DKK2: variants seen among roughly 807,000 people sequenced by gnomAD.
DKK2 encodes dickkopf-related protein 2.
A neutral mutation model predicts 28.1 loss-of-function variants in DKK2; 11 were observed. The observed-to-expected ratio is 0.39, with a 90% CI of 0.25 to 0.65. The LOEUF is 0.65. DKK2 is among the 30% of genes least tolerant of loss of function. The pLI is 0.47. For missense variants in DKK2, 326 were observed against 335.5 expected (o/e 0.97, Z 0.22); for synonymous variants, 135 against 126.5 (o/e 1.07, Z -0.45).
chr4:106,955,809 T>C (rs916870066), intron 1 of DKK2, among the ~76,000 whole-genome samples: 1 of 152,174 alleles, frequency 6.6e-6, no homozygotes, highest in East Asian at 1.9e-4. Context: ...ATTTAAGTTA[T>C]GACATAGTCC....
At chr4:106,939,775 A>C (rs1396209063) in intron 1 of DKK2, among the ~76,000 whole-genome samples, 1 of 152,230 alleles carries the variant, frequency 6.6e-6, no homozygotes, top group Non-Finnish European at 1.5e-5. Context: ...AGATCAATGG[A>C]ACAGAACAGA....
intron 1 of DKK2, among the ~76,000 whole-genome samples, chr4:106,991,366 C>T (rs773284451): frequency 4.2e-4 from 64 of 152,240 alleles, no homozygotes; most frequent in Middle Eastern, 6.8e-3. Context: ...TCATGCTTCA[C>T]TTCATGTTCT....
At chr4:106,973,314 T>A (rs1437305183) in intron 1 of DKK2, among the ~76,000 whole-genome samples, 1 of 152,242 alleles carries the variant, frequency 6.6e-6, no homozygotes, top group African/African-American at 2.4e-5. Context: ...ATCACCACAC[T>A]GTCTTCCACA....
At position 106,965,785 on chromosome 4, in the gene DKK2, C is replaced by T. The variant is rs530622124; in HGVS notation, c.223-39836G>A. ...AACAGTCCCCAGAGTGTAATATTCCCCTTCCTGTGTCCATGTGATCTCATT... is the reference window on the plus strand; with the variant it reads ...AACAGTCCCCAGAGTGTAATATTCCTCTTCCTGTGTCCATGTGATCTCATT... On this transcript the variant is annotated intron_variant, in intron 1 of 3. Transcript: ENST00000285311. Among the ~76,000 whole-genome samples the T allele has an allele frequency of 1.4e-3, 192 of 139,896 alleles. 1 individual carries two copies. The highest frequency in any genetic ancestry group is 0.011 in the South Asian group (44 of 4,180). 91.8% of individuals were successfully genotyped at this position (139,896 alleles called of 152,430 possible).
intron 1 of DKK2, among the ~76,000 whole-genome samples, chr4:107,024,252 T>C (rs1047610914): frequency 2.6e-5 from 4 of 152,116 alleles, no homozygotes; most frequent in East Asian, 1.9e-4. Context: ...AATATGTAAA[T>C]AGTAGCACAT....
intron 1 of DKK2, among the ~76,000 whole-genome samples, chr4:106,977,790 T>C (rs949507565): frequency 6.6e-6 from 1 of 152,174 alleles, no homozygotes; most frequent in Non-Finnish European, 1.5e-5. Context: ...TTGGGAGGAA[T>C]TGTGATCCTT....
intron 1 of DKK2, among the ~76,000 whole-genome samples, chr4:107,001,256 T>C (rs1723355808): frequency 6.6e-6 from 1 of 152,122 alleles, no homozygotes; most frequent in Non-Finnish European, 1.5e-5. Context: ...GGAAGGACCC[T>C]TCCCCAGAGC....
chr4:106,973,457 T>C lies in DKK2; in HGVS notation c.223-47508A>G, dbSNP rs368151927. Among the ~76,000 whole-genome samples the C allele has an allele frequency of 1.2e-4, 19 of 152,362 alleles. No homozygotes were observed. The South Asian group carries it at 3.3e-3, about 27-fold the overall frequency. ...ACTGGAGTGAGACAGTATCTAATTT[T>C]GGCTTTGATTTGCATTTCTCTAATG... On this transcript the variant is annotated intron_variant, in intron 1 of 3. Transcript: ENST00000285311.
chr4:107,035,827 A>C lies in DKK2; in HGVS notation c.-236T>G. 1 of 571,378 alleles carries C rather than the reference A, an allele frequency of 1.8e-6. No homozygotes were observed. Among genetic ancestry groups the C allele is most frequent in the Non-Finnish European group, 3.1e-6 (1 of 320,492 alleles). 35.4% of individuals were successfully genotyped at this position (571,378 alleles called of 1,614,324 possible). A position where few individuals can be genotyped will look rare whatever the true frequency, so the allele number is the denominator to read the frequency against. The stretch of plus-strand genomic sequence containing the variant: ...TCTCCACCAGGACAGGAAGTTCTGC[A>C]ATAACTGGAAGCAATCAAATGCGAG... On this transcript the variant is annotated 5_prime_UTR_variant, in exon 1 of 4. In the 5' UTR this introduces an upstream ATG that the reference lacks. Coordinates refer to ENST00000285311, the MANE Select transcript of DKK2 (RefSeq NM_014421.3).
Position 107,035,560 on chromosome 4 carries a change from G to A in DKK2, c.32C>T (p.Ser11Phe). The A allele has an allele frequency of 6.2e-7, 1 of 1,614,172 alleles. No homozygotes were observed. The highest frequency in any genetic ancestry group is 1.1e-5 in the South Asian group (1 of 91,092). Residue 11 changes from serine to phenylalanine, a missense_variant, in exon 1 of 4, where the codon TCC becomes TTC. Transcript: ENST00000285311. ...CGCGGCCAGTAGGAGCAGGCAGCAGGACGAATCCTTGCTCCGCATCAACGC... is the reference window on the plus strand; with the variant it reads ...CGCGGCCAGTAGGAGCAGGCAGCAGAACGAATCCTTGCTCCGCATCAACGC... MAALMRSKDS[S>F]CCLLLLAAVL...
intron 1 of DKK2, among the ~76,000 whole-genome samples, chr4:106,965,070 T>C (rs1309546423): frequency 6.6e-6 from 1 of 152,154 alleles, no homozygotes; most frequent in African/African-American, 2.4e-5. Flanking sequence ...TCACTCAACC[T>C]ACATGATTTC....
chr4:106,950,715 AT>A (rs1724846272), intron 1 of DKK2, among the ~76,000 whole-genome samples: 1 of 152,146 alleles, frequency 6.6e-6, no homozygotes, highest in South Asian at 2.1e-4. Context: ...TCCAATTATT[AT>A]TTCTTGTAAA....
At chr4:107,022,243 C>T (rs569723760) in intron 1 of DKK2, among the ~76,000 whole-genome samples, 2 of 152,102 alleles carry the variant, frequency 1.3e-5, no homozygotes, top group Admixed American at 6.6e-5. Context: ...AAGTGCACTA[C>T]ATTTGTTTTT....
intron 1 of DKK2, among the ~76,000 whole-genome samples, chr4:106,955,607 C>G (rs899021861): frequency 1.3e-5 from 2 of 152,096 alleles, no homozygotes; most frequent in Admixed American, 1.3e-4. Context: ...AAAGAAGAAT[C>G]AAATTGTTTT....
chr4:106,997,269 C>A (rs1037119484), intron 1 of DKK2, among the ~76,000 whole-genome samples: 1 of 152,036 alleles, frequency 6.6e-6, no homozygotes, highest in African/African-American at 2.4e-5. Context: ...GAACCTGACA[C>A]GTAGAAGGCT....
intron 1 of DKK2, among the ~76,000 whole-genome samples, chr4:107,010,649 G>A (rs1357907928): frequency 2.6e-5 from 4 of 151,412 alleles, no homozygotes; most frequent in South Asian, 2.1e-4. Flanking sequence ...CTTCTGTAAC[G>A]TCCTGAAACT....
chr4:107,009,930 A>G, intron 1 of DKK2, among the ~76,000 whole-genome samples: 1 of 151,846 alleles, frequency 6.6e-6, no homozygotes, highest in East Asian at 1.9e-4. Context: ...ACAGAGAATA[A>G]GAATTTGGCC....
At chr4:107,000,769 A>T in intron 1 of DKK2, among the ~76,000 whole-genome samples, 1 of 152,214 alleles carries the variant, frequency 6.6e-6, no homozygotes, top group East Asian at 1.9e-4. Flanking sequence ...AAGTATTCAT[A>T]CATTGTTTAT....
At chr4:106,976,786 G>A (rs1184743055) in intron 1 of DKK2, among the ~76,000 whole-genome samples, 2 of 152,252 alleles carry the variant, frequency 1.3e-5, no homozygotes, top group Admixed American at 6.5e-5. Flanking sequence ...TCATGATGAC[G>A]CTAACTGGTT....
Sources: allele counts gnomAD v4.1 joint callset (sites outside exome capture counted in the v4.1 genomes callset), GRCh38; gene constraint gnomAD v4.1.1; transcripts MANE v1.5; gene names NCBI Gene and HGNC (gene_info 2026-07-23, HGNC 2026-07-21).